DNAJC2: variants seen among roughly 807,000 people sequenced by gnomAD.
The protein encoded by DNAJC2 is DnaJ heat shock protein family (Hsp40) member C2, also known as dnaJ homolog subfamily C member 2.
A neutral mutation model predicts 94.0 loss-of-function variants in DNAJC2; 32 were observed. That is an observed-to-expected ratio of 0.34 (90% CI 0.26 to 0.46). DNAJC2 has a LOEUF of 0.46. Among genes scored for constraint, DNAJC2 ranks in the 20% least tolerant of loss-of-function variants. DNAJC2 has a pLI of 1.00. For missense variants in DNAJC2, 550 were observed against 719.5 expected (o/e 0.76, Z 2.69); for synonymous variants, 210 against 229.7 (o/e 0.91, Z 0.77).
rs369383341 is a variant in DNAJC2 at position 103,334,366 on chromosome 7, A to AACCTG, written c.331+3369_331+3370insCAGGT. 3.8e-3 allele frequency among the ~76,000 whole-genome samples: 573 copies of AACCTG among 151,838 alleles called. 4 individuals are homozygous for AACCTG. Among genetic ancestry groups the AACCTG allele is most frequent in the African/African-American group, 0.014 (564 of 41,508 alleles). The stretch of plus-strand genomic sequence containing the variant: ...CACTTGAACTCAGGAGTTCGAGACC[A>AACCTG]GCCTGGTCAACGTGGTGAAACCCAG... On this transcript the variant is annotated intron_variant, in intron 3 of 16. Coordinates refer to ENST00000379263, the MANE Select transcript of DNAJC2 (RefSeq NM_014377.3).
intron 2 of DNAJC2, among the ~76,000 whole-genome samples, chr7:103,338,601 G>C (rs149539615): frequency 3.3e-5 from 5 of 151,874 alleles, no homozygotes; most frequent in African/African-American, 1.2e-4. Context: ...ACCCGGCCAA[G>C]ACCCTGTCTT....
chr7:103,330,650 C>T (rs144521015), intron 3 of DNAJC2, among the ~76,000 whole-genome samples: 2,063 of 152,044 alleles, frequency 0.014, 17 homozygotes, highest in Middle Eastern at 0.031. Context: ...CAGGGTTTCA[C>T]CATGTTGGCC....
intron 3 of DNAJC2, among the ~76,000 whole-genome samples, chr7:103,332,249 C>G (rs1819007413): frequency 1.3e-5 from 2 of 152,208 alleles, no homozygotes; most frequent in African/African-American, 4.8e-5. Context: ...TCATGATCCG[C>G]CCGCCTTGGC....
At chr7:103,326,110 C>T (rs187440324) in intron 5 of DNAJC2, among the ~76,000 whole-genome samples, 1 of 152,160 alleles carries the variant, frequency 6.6e-6, no homozygotes, top group Non-Finnish European at 1.5e-5. Context: ...TCCCGAGGAG[C>T]TGGGATTACA....
intron 3 of DNAJC2, among the ~76,000 whole-genome samples, chr7:103,328,082 A>C (rs1046350540): frequency 6.6e-5 from 10 of 151,728 alleles, no homozygotes; most frequent in African/African-American, 2.4e-4. Flanking sequence ...CACCATGCCC[A>C]GCTATTTTTT....
At chr7:103,334,335 G>A (rs2116009420) in intron 3 of DNAJC2, among the ~76,000 whole-genome samples, 1 of 151,794 alleles carries the variant, frequency 6.6e-6, no homozygotes. Flanking sequence ...ACTGAGGCAG[G>A]TGGATCACTT....
rs1037180085 is a variant in DNAJC2 at position 103,344,355 on chromosome 7, G to A, written c.64+204C>T. On this transcript the variant is annotated intron_variant, in intron 1 of 16. Transcript: ENST00000379263. ...GGAGGAAGCAACGGTAGGAGCAAAA[G>A]GAAGGCACCCCTCACCCTCCTTCCT... 5 of 601,446 alleles carry A rather than the reference G, an allele frequency of 8.3e-6. No individual in the cohort carries two copies. In the African/African-American group the frequency reaches 9.3e-5, roughly 11 times the overall value. The allele number at this position is 601,446 out of a possible 1,614,324, so 37.3% of individuals were successfully genotyped here.
chr7:103,321,585 T>C (rs1362184321), intron 10 of DNAJC2, among the ~76,000 whole-genome samples: 2 of 151,974 alleles, frequency 1.3e-5, no homozygotes, highest in African/African-American at 4.8e-5. Flanking sequence ...CAGTGGCTCA[T>C]GCCTGTAGTC....
chr7:103,319,001 AAGG>A (rs1818231018), intron 12 of DNAJC2, among the ~76,000 whole-genome samples: 1 of 152,072 alleles, frequency 6.6e-6, no homozygotes. Context: ...CACTTGAGGT[AAGG>A]AGTTTGAGAC....
At chr7:103,328,528 G>T (rs1357262936) in intron 3 of DNAJC2, among the ~76,000 whole-genome samples, 2 of 152,052 alleles carry the variant, frequency 1.3e-5, no homozygotes, top group Non-Finnish European at 2.9e-5. Flanking sequence ...CTACTCAGGT[G>T]GCTCAGACAT....
At chr7:103,336,650 C>CTAT (rs1819186510) in intron 3 of DNAJC2, 1 of 152,230 alleles carries the variant, frequency 6.6e-6, no homozygotes, top group South Asian at 2.1e-4. Flanking sequence ...CCGGCCAATG[C>CTAT]TATTCTTTCG....
intron 12 of DNAJC2, 171 bp from the exon 13 acceptor site, chr7:103,317,185 A>T (rs1307502459): frequency 3.2e-6 from 2 of 617,736 alleles, no homozygotes; most frequent in Non-Finnish European, 5.6e-6. Flanking sequence ...TCTGGCTTCC[A>T]GTCTGCATAG....
intron 5 of DNAJC2, among the ~76,000 whole-genome samples, chr7:103,325,386 G>A (rs148131899): frequency 5.3e-5 from 8 of 151,794 alleles, no homozygotes; most frequent in East Asian, 1.9e-4. Context: ...GCGGTGAGCC[G>A]AGATTGTGCC....
chr7:103,315,655 C>G (rs1167002738), intron 15 of DNAJC2, 109 bp downstream of exon 15: 6 of 654,542 alleles, frequency 9.2e-6, no homozygotes, highest in Non-Finnish European at 1.3e-5. Flanking sequence ...TTCCAGTCTG[C>G]TAAACATTTT....
chr7:103,320,250 G>A (rs538243579), intron 10 of DNAJC2, among the ~76,000 whole-genome samples: 63 of 151,814 alleles, frequency 4.1e-4, no homozygotes, highest in African/African-American at 1.5e-3. Flanking sequence ...CACCACACCT[G>A]GCTAATTTTT....
At chr7:103,338,962 T>C (rs1586113881) in intron 2 of DNAJC2, among the ~76,000 whole-genome samples, 1 of 152,092 alleles carries the variant, frequency 6.6e-6, no homozygotes, top group East Asian at 1.9e-4. Context: ...TGTGGACTAT[T>C]ATACAGCCTC....
intron 3 of DNAJC2, among the ~76,000 whole-genome samples, chr7:103,330,769 G>A (rs1351588165): frequency 1.3e-5 from 2 of 150,442 alleles, no homozygotes; most frequent in African/African-American, 4.9e-5. Context: ...TTTTGTAGGG[G>A]AGGGGTTTCG....
chr7:103,313,227 T>C, intron 15 of DNAJC2, 126 bp from the exon 16 acceptor site: 2 of 1,449,222 alleles, frequency 1.4e-6, no homozygotes, highest in Non-Finnish European at 1.8e-6. Flanking sequence ...AATAAACTTG[T>C]AGAGATGAGA....
intron 15 of DNAJC2, 82 bp downstream of exon 15, chr7:103,315,682 G>T: frequency 3.4e-6 from 3 of 887,196 alleles, no homozygotes; most frequent in Non-Finnish European, 3.6e-6. Context: ...CTATCATTCT[G>T]AACATAGACC....
Sources: allele counts gnomAD v4.1 joint callset (sites outside exome capture counted in the v4.1 genomes callset), GRCh38; gene constraint gnomAD v4.1.1; transcripts MANE v1.5; gene names NCBI Gene and HGNC (gene_info 2026-07-23, HGNC 2026-07-21).